The following MAPK10 variants were observed in gnomAD, a reference collection of about 807,000 sequenced individuals.
The protein encoded by MAPK10 is JNK3 alpha protein kinase.
MAPK10 carries 25 observed loss-of-function variants against 59.3 expected under a neutral mutation model. That is an observed-to-expected ratio of 0.42 (90% CI 0.31 to 0.59). The LOEUF (loss-of-function observed/expected upper bound fraction) is 0.59. Ranked by LOEUF, MAPK10 falls within the 20% of genes least tolerant of loss-of-function variation. The pLI is 0.15. For missense variants in MAPK10, 351 were observed against 568.9 expected, an observed-to-expected ratio of 0.62 and a Z score of 3.90; for synonymous variants, 190 against 200.5, an observed-to-expected ratio of 0.95 and a Z score of 0.44.
chr4:86,314,106 A>G (rs1423817798), intron 2 of MAPK10, among the ~76,000 whole-genome samples: 1 of 152,168 alleles, frequency 6.6e-6, no homozygotes, highest in Non-Finnish European at 1.5e-5. Flanking sequence ...ATATAATGCC[A>G]TTTATATCAA....
chr4:86,222,013 G>A (rs1205350615), intron 2 of MAPK10, among the ~76,000 whole-genome samples: 1 of 152,062 alleles, frequency 6.6e-6, no homozygotes, highest in Non-Finnish European at 1.5e-5. Flanking sequence ...CTTTCAAAGT[G>A]TGTAGCATCT....
At chr4:86,103,911 C>T (rs1314195367) in intron 5 of MAPK10, among the ~76,000 whole-genome samples, 1 of 151,830 alleles carries the variant, frequency 6.6e-6, no homozygotes, top group African/African-American at 2.4e-5. Context: ...TGTAAAAACC[C>T]CTTGTCACAT....
rs371061327 is a variant in MAPK10 at position 86,479,623 on chromosome 4, G to A, written c.-263+114287C>T. ...GCCACCACAGCTGATGTCTCCTGGT[G>A]CTATCCCCAAACCGCCACTCTTAAC... On this transcript the variant is annotated intron_variant, in intron 1 of 4. Transcript: ENST00000502302. 5.4e-3 allele frequency among the ~76,000 whole-genome samples: 829 copies of A among 152,138 alleles called. 14 individuals carry two copies. The highest frequency in any genetic ancestry group is 0.019 in the African/African-American group (796 of 41,502).
At chr4:86,105,318 G>T (rs1486394529) in intron 5 of MAPK10, among the ~76,000 whole-genome samples, 1 of 152,100 alleles carries the variant, frequency 6.6e-6, no homozygotes, top group Non-Finnish European at 1.5e-5. Flanking sequence ...TTCCAGAAAT[G>T]TGTTTCTGTA....
intron 1 of MAPK10, among the ~76,000 whole-genome samples, chr4:86,450,579 C>G (rs563641984): frequency 1.3e-5 from 2 of 152,104 alleles, no homozygotes; most frequent in South Asian, 4.1e-4. Flanking sequence ...GTCAGTTACC[C>G]CTAGGGTATG....
At chr4:86,239,581 G>A (rs778809608) in intron 2 of MAPK10, among the ~76,000 whole-genome samples, 5 of 152,020 alleles carry the variant, frequency 3.3e-5, no homozygotes, top group Non-Finnish European at 5.9e-5. Context: ...TCTTGGGAGG[G>A]TGTATGTATC....
At chr4:86,229,330 T>C (rs1583210185) in intron 2 of MAPK10, among the ~76,000 whole-genome samples, 3 of 152,144 alleles carry the variant, frequency 2.0e-5, no homozygotes, top group African/African-American at 7.2e-5. Flanking sequence ...TATAATAAAA[T>C]AATAAAGTAG....
At chr4:86,546,113 C>T (rs1486535178) in intron 1 of MAPK10, among the ~76,000 whole-genome samples, 1 of 152,070 alleles carries the variant, frequency 6.6e-6, no homozygotes. Flanking sequence ...GTCCCAGCTA[C>T]TTGGGAGGCT....
intron 1 of MAPK10, among the ~76,000 whole-genome samples, chr4:86,546,898 T>A (rs1295417314): frequency 6.6e-6 from 1 of 151,508 alleles, no homozygotes; most frequent in Non-Finnish European, 1.5e-5. Flanking sequence ...CTACTAAATA[T>A]ACAAAAAATT....
At chr4:86,331,039 C>T (rs563272729) in intron 2 of MAPK10, among the ~76,000 whole-genome samples, 13 of 151,786 alleles carry the variant, frequency 8.6e-5, no homozygotes, top group African/African-American at 3.1e-4. Flanking sequence ...AAAAAAAATA[C>T]CAGTGGGAAA....
At chr4:86,263,802 A>G (rs2094117834) in intron 2 of MAPK10, among the ~76,000 whole-genome samples, 1 of 152,214 alleles carries the variant, frequency 6.6e-6, no homozygotes, top group Non-Finnish European at 1.5e-5. Context: ...GAAAATATGC[A>G]TTGATATTTG....
At chr4:86,269,907 T>C (rs935176078) in intron 2 of MAPK10, among the ~76,000 whole-genome samples, 4 of 152,088 alleles carry the variant, frequency 2.6e-5, no homozygotes, top group Admixed American at 2.6e-4. Context: ...TAAAAGACAT[T>C]TGTGCAGTGA....
At chr4:86,225,327 G>A (rs1490656902) in intron 2 of MAPK10, among the ~76,000 whole-genome samples, 4 of 152,084 alleles carry the variant, frequency 2.6e-5, no homozygotes, top group Non-Finnish European at 5.9e-5. Context: ...CAGACACAGG[G>A]TGCCTACATG....
intron 4 of MAPK10, among the ~76,000 whole-genome samples, chr4:86,113,343 T>C (rs1312068617): frequency 6.6e-6 from 1 of 152,190 alleles, no homozygotes; most frequent in Non-Finnish European, 1.5e-5. Flanking sequence ...GTTTTTGTAG[T>C]GGCTGGTAAT....
intron 2 of MAPK10, among the ~76,000 whole-genome samples, chr4:86,342,297 C>T (rs995056315): frequency 6.6e-6 from 1 of 152,104 alleles, no homozygotes; most frequent in Admixed American, 6.6e-5. Context: ...ATAAGGAAGA[C>T]TTAGAATAAA....
chr4:86,027,718 A>T (rs755074015), intron 13 of MAPK10: 6 of 152,234 alleles, frequency 3.9e-5, no homozygotes, highest in Non-Finnish European at 8.8e-5. Flanking sequence ...TGTGCAAGGC[A>T]CAGCACCCAG....
At chr4:86,463,368 A>G (rs1472508562) in intron 1 of MAPK10, among the ~76,000 whole-genome samples, 1 of 152,252 alleles carries the variant, frequency 6.6e-6, no homozygotes, top group Non-Finnish European at 1.5e-5. Context: ...AAGTGTTGCC[A>G]TAAGGCATAT....
chr4:86,029,396 A>G lies in MAPK10; in HGVS notation c.1175-122T>C, dbSNP rs1293308250. The stretch of plus-strand genomic sequence containing the variant: ...TTGAGTAAATTAAAAATCAATTGAG[A>G]TTCCTTTACTGCTCTATTTCTATTT... On this transcript the variant is annotated intron_variant, in intron 12 of 13. Transcript: ENST00000641462. The G allele has an allele frequency of 6.9e-5, 44 of 640,304 alleles. No individual in the cohort carries two copies. The East Asian group carries it at 1.2e-3, about 17-fold the overall frequency. 39.7% of individuals were successfully genotyped at this position (640,304 alleles called of 1,614,324 possible).
intron 2 of MAPK10, among the ~76,000 whole-genome samples, chr4:86,227,505 G>C (rs1317897496): frequency 1.4e-5 from 2 of 146,752 alleles, no homozygotes; most frequent in Non-Finnish European, 3.0e-5. Flanking sequence ...AAAAAAGAAA[G>C]AAAAGAAAAA....
Sources: allele counts gnomAD v4.1 joint callset (sites outside exome capture counted in the v4.1 genomes callset), GRCh38; gene constraint gnomAD v4.1.1; transcripts MANE v1.5; gene names NCBI Gene and HGNC (gene_info 2026-07-23, HGNC 2026-07-21).